Variants in KIAA1217 observed in about 807,000 individuals in gnomAD.
KIAA1217 encodes the protein KIAA1217.
A neutral mutation model predicts 163.9 loss-of-function variants in KIAA1217; 88 were observed. That is an observed-to-expected ratio of 0.54 (90% CI 0.45 to 0.64). The LOEUF is 0.64. KIAA1217 is among the 30% of genes least tolerant of loss of function. The probability of loss-of-function intolerance (pLI) is 0.00; values close to 1 mark genes in which losing one functional copy is unlikely to be tolerated. For missense variants in KIAA1217, 2,372 were observed against 2,475.0 expected (o/e 0.96, Z 0.88); for synonymous variants, 903 against 923.1 (o/e 0.98, Z 0.39).
At chr10:23,945,058 C>CA (rs527334106) in intron 1 of KIAA1217, among the ~76,000 whole-genome samples, 1,782 of 103,880 alleles carry the variant, frequency 0.017, 45 homozygotes, top group African/African-American at 0.042. Context: ...GACTCTATCT[C>CA]AAAAAAAAAA....
chr10:24,443,872 A>G (rs1399990110), intron 5 of KIAA1217, among the ~76,000 whole-genome samples: 4 of 152,184 alleles, frequency 2.6e-5, no homozygotes, highest in African/African-American at 9.7e-5. Flanking sequence ...AACCAAGAAA[A>G]CAAAAAGGTG....
chr10:24,428,505 T>C (rs1453466120), intron 3 of KIAA1217, among the ~76,000 whole-genome samples: 1 of 152,212 alleles, frequency 6.6e-6, no homozygotes, highest in Non-Finnish European at 1.5e-5. Flanking sequence ...CACTTCAGAA[T>C]GTGTCTCTAC....
intron 1 of KIAA1217, among the ~76,000 whole-genome samples, chr10:23,813,637 C>T (rs1837178420): frequency 6.6e-6 from 1 of 152,026 alleles, no homozygotes; most frequent in African/African-American, 2.4e-5. Flanking sequence ...TTCTTGCACA[C>T]TTGTAAAGTA....
chr10:24,543,789 G>A lies in KIAA1217; in HGVS notation c.4519G>A (p.Ala1507Thr), dbSNP rs145693154. 7.4e-6 allele frequency: 12 copies of A among 1,613,548 alleles called. No homozygotes were observed. In the African/African-American group the frequency reaches 1.5e-4, roughly 20 times the overall value. The change falls in exon 19 of 21, where the codon GCC becomes ACC. Residue 1507 changes from alanine (A) to threonine (T), a missense_variant. Physicochemically the swap from Ala to Thr is moderately conservative, Grantham distance 58. This residue lies in a region of KIAA1217 where 690 missense variants were observed against 677.5 expected (regional missense o/e 1.02). Coordinates refer to ENST00000376454, the MANE Select transcript of KIAA1217 (RefSeq NM_019590.5). ...NTSQMSHKKV[A>T]PGNLRTGQQV... ...TTCCCAGATGTCTCATAAGAAGGTG[G>A]CCCCAGGCAATCTTAGAACCGGACA...
intron 1 of KIAA1217, among the ~76,000 whole-genome samples, chr10:23,908,526 T>A (rs1189255028): frequency 6.6e-6 from 1 of 152,104 alleles, no homozygotes; most frequent in Non-Finnish European, 1.5e-5. Flanking sequence ...CTGTTTACTT[T>A]CTCTTGGTAC....
At chr10:23,920,749 G>C (rs1842820660) in intron 1 of KIAA1217, among the ~76,000 whole-genome samples, 2 of 152,126 alleles carry the variant, frequency 1.3e-5, no homozygotes, top group Admixed American at 6.5e-5. Context: ...CCTGTGATGG[G>C]AACCTGGTTT....
intron 2 of KIAA1217, among the ~76,000 whole-genome samples, chr10:24,143,120 C>T (rs939423968): frequency 2.0e-5 from 3 of 152,042 alleles, no homozygotes; most frequent in African/African-American, 7.3e-5. Context: ...GTGAAATAGA[C>T]AAAAGAGGAG....
chr10:24,136,534 A>G (rs2131821203), intron 2 of KIAA1217, among the ~76,000 whole-genome samples: 1 of 152,310 alleles, frequency 6.6e-6, no homozygotes, highest in South Asian at 2.1e-4. Flanking sequence ...AGAGAGAGAT[A>G]CACCGGAACG....
At chr10:24,380,770 C>T in intron 2 of KIAA1217, 99 bp from the exon 3 acceptor site, 1 of 902,936 alleles carries the variant, frequency 1.1e-6, no homozygotes, top group Non-Finnish European at 1.6e-6. Context: ...TACCCCTTGC[C>T]ATATTATTTT....
intron 3 of KIAA1217, among the ~76,000 whole-genome samples, chr10:24,423,885 A>G (rs2058966005): frequency 6.6e-6 from 1 of 152,170 alleles, no homozygotes; most frequent in Admixed American, 6.5e-5. Context: ...ATTGCCTGGA[A>G]TTTCTCAGTC....
At chr10:23,838,776 T>C (rs998319194) in intron 1 of KIAA1217, among the ~76,000 whole-genome samples, 3 of 152,224 alleles carry the variant, frequency 2.0e-5, no homozygotes, top group Middle Eastern at 3.2e-3. Context: ...AGATTCTTTT[T>C]AATGGACTTT....
chr10:24,378,405 T>C (rs2052816714), intron 2 of KIAA1217, among the ~76,000 whole-genome samples: 1 of 152,014 alleles, frequency 6.6e-6, no homozygotes, highest in South Asian at 2.1e-4. Flanking sequence ...CGCACCTCCC[T>C]CACCTACACT....
At chr10:23,928,652 A>G (rs1332934397) in intron 1 of KIAA1217, among the ~76,000 whole-genome samples, 1 of 152,160 alleles carries the variant, frequency 6.6e-6, no homozygotes, top group Non-Finnish European at 1.5e-5. Context: ...ACACTCATAC[A>G]ATTACATAGT....
chr10:23,937,054 T>C (rs1183112167), intron 1 of KIAA1217, among the ~76,000 whole-genome samples: 1 of 152,168 alleles, frequency 6.6e-6, no homozygotes, highest in Non-Finnish European at 1.5e-5. Flanking sequence ...TTTGTATTTT[T>C]AGTAGAGACA....
At chr10:24,367,395 TGA>T (rs1395786973) in intron 2 of KIAA1217, among the ~76,000 whole-genome samples, 1 of 152,214 alleles carries the variant, frequency 6.6e-6, no homozygotes. Context: ...CTAAAAATTA[TGA>T]GAGTCAGTAT....
intron 2 of KIAA1217, among the ~76,000 whole-genome samples, chr10:24,307,413 G>T (rs934286691): frequency 6.6e-6 from 1 of 152,058 alleles, no homozygotes; most frequent in Non-Finnish European, 1.5e-5. Flanking sequence ...GTGCTTTGGC[G>T]CTGTGGAAAC....
At chr10:24,356,157 A>G (rs536106552) in intron 2 of KIAA1217, among the ~76,000 whole-genome samples, 1 of 152,200 alleles carries the variant, frequency 6.6e-6, no homozygotes, top group South Asian at 2.1e-4. Context: ...TATTATTTTT[A>G]GAGCTTTATA....
chr10:23,700,928 T>C (rs1002231425), intron 1 of KIAA1217, among the ~76,000 whole-genome samples: 8 of 150,538 alleles, frequency 5.3e-5, no homozygotes, highest in Non-Finnish European at 1.2e-4. Flanking sequence ...ATTTTTTTTT[T>C]CTGTTTTGCT....
intron 1 of KIAA1217, among the ~76,000 whole-genome samples, chr10:23,932,184 A>T (rs1386182504): frequency 6.6e-6 from 1 of 152,150 alleles, no homozygotes; most frequent in Non-Finnish European, 1.5e-5. Context: ...CCTGGGACAA[A>T]GGTGACATGG....
Sources: gnomAD v4.1 joint callset for allele counts (sites outside exome capture counted in the v4.1 genomes callset) on GRCh38, gnomAD v4.1.1 for gene constraint, gnomAD v4.1.1 regional missense constraint, MANE v1.5 for transcripts, NCBI Gene and HGNC (gene_info 2026-07-23, HGNC 2026-07-21) for gene names.